RABGAP1L: variants seen among roughly 807,000 people sequenced by gnomAD.
RABGAP1L encodes the protein RAB GTPase activating protein 1 like.
In RABGAP1L, 63 loss-of-function variants were observed where a neutral mutation model predicts 137.7. That is an observed-to-expected ratio of 0.46 (90% CI 0.37 to 0.56). RABGAP1L has a LOEUF of 0.56. RABGAP1L is among the 20% of genes least tolerant of loss of function. The probability of loss-of-function intolerance (pLI) is 0.00; values close to 1 mark genes in which losing one functional copy is unlikely to be tolerated. For missense variants in RABGAP1L, 1,095 were observed against 1,244.0 expected, an observed-to-expected ratio of 0.88 and a Z score of 1.80; for synonymous variants, 431 against 433.7, an observed-to-expected ratio of 0.99 and a Z score of 0.08.
At chr1:174,303,752 A>G (rs1381640608) in intron 10 of RABGAP1L, among the ~76,000 whole-genome samples, 2 of 152,186 alleles carry the variant, frequency 1.3e-5, no homozygotes, top group Non-Finnish European at 2.9e-5. Flanking sequence ...TTCTGCTTGT[A>G]TAGGAAACTA....
At chr1:174,424,046 A>G (rs1393648041) in intron 13 of RABGAP1L, among the ~76,000 whole-genome samples, 1 of 152,182 alleles carries the variant, frequency 6.6e-6, no homozygotes, top group Non-Finnish European at 1.5e-5. Context: ...GACCAAGACC[A>G]AAGGAGATCA....
intron 13 of RABGAP1L, among the ~76,000 whole-genome samples, chr1:174,495,217 G>T (rs1375267473): frequency 6.6e-6 from 1 of 152,244 alleles, no homozygotes; most frequent in East Asian, 1.9e-4. Context: ...CATTGTTTCA[G>T]TGTAACTTCT....
chr1:174,528,981 T>A (rs2147878181), intron 13 of RABGAP1L, among the ~76,000 whole-genome samples: 1 of 151,596 alleles, frequency 6.6e-6, no homozygotes, highest in Non-Finnish European at 1.5e-5. Context: ...GTTCCAGAAC[T>A]TTTGTCTGGT....
intron 19 of RABGAP1L, among the ~76,000 whole-genome samples, chr1:174,954,867 A>G (rs555627721): frequency 3.9e-5 from 6 of 152,238 alleles, no homozygotes; most frequent in South Asian, 2.1e-4. Context: ...CCCTTTTTCT[A>G]TAGCTCCAGG....
intron 13 of RABGAP1L, among the ~76,000 whole-genome samples, chr1:174,500,016 A>G (rs1420085613): frequency 6.6e-6 from 1 of 152,168 alleles, no homozygotes; most frequent in Non-Finnish European, 1.5e-5. Flanking sequence ...TTTACAAGAA[A>G]GAAAATTATG....
At chr1:174,506,788 A>G (rs529374531) in intron 13 of RABGAP1L, among the ~76,000 whole-genome samples, 16 of 152,302 alleles carry the variant, frequency 1.1e-4, no homozygotes, top group African/African-American at 3.8e-4. Context: ...TAATTCATAT[A>G]ACCAAAAACC....
intron 20 of RABGAP1L, among the ~76,000 whole-genome samples, chr1:174,967,355 A>T (rs1308833114): frequency 3.7e-4 from 46 of 122,760 alleles, no homozygotes; most frequent in African/African-American, 1.4e-3. Context: ...TTTTTTTGAG[A>T]TGGAGTCTCA....
chr1:174,684,334 G>T (rs1340616130), intron 15 of RABGAP1L, among the ~76,000 whole-genome samples: 3 of 152,150 alleles, frequency 2.0e-5, no homozygotes, highest in Admixed American at 6.6e-5. Flanking sequence ...ATTGGAGAAG[G>T]TGAGAGGGGA....
intron 18 of RABGAP1L, chr1:174,799,835 A>G (rs530126377): frequency 1.0e-6 from 1 of 989,974 alleles, no homozygotes; most frequent in Non-Finnish European, 1.2e-6. Flanking sequence ...CAATGAGCTC[A>G]TCGTTTTCTC....
At chr1:174,494,394 T>C (rs755526079) in intron 13 of RABGAP1L, among the ~76,000 whole-genome samples, 3 of 152,204 alleles carry the variant, frequency 2.0e-5, no homozygotes, top group Non-Finnish European at 4.4e-5. Context: ...CTCCGTTGAA[T>C]TATTGTTGTT....
chr1:174,660,412 C>T (rs558986122), intron 14 of RABGAP1L, among the ~76,000 whole-genome samples: 1 of 152,294 alleles, frequency 6.6e-6, no homozygotes, highest in South Asian at 2.1e-4. Flanking sequence ...GATTCCCTTG[C>T]CCAGCACCAC....
chr1:174,705,749 G>T (rs1012393015), intron 17 of RABGAP1L: 1 of 152,108 alleles, frequency 6.6e-6, no homozygotes, highest in African/African-American at 2.4e-5. Flanking sequence ...TTTACTTCCT[G>T]CATGTCTGTG....
intron 17 of RABGAP1L, among the ~76,000 whole-genome samples, chr1:174,734,375 C>T (rs570455303): frequency 6.6e-6 from 1 of 152,152 alleles, no homozygotes; most frequent in Non-Finnish European, 1.5e-5. Flanking sequence ...TTCAGTAAAG[C>T]TTTCAAAGCC....
chr1:174,551,158 G>T (rs1031965687), intron 13 of RABGAP1L, among the ~76,000 whole-genome samples: 11 of 149,842 alleles, frequency 7.3e-5, no homozygotes, highest in African/African-American at 2.7e-4. Flanking sequence ...GCAGTGAGCT[G>T]AGATCGCACC....
intron 11 of RABGAP1L, among the ~76,000 whole-genome samples, chr1:174,358,968 G>A (rs1283464273): frequency 6.6e-6 from 1 of 152,166 alleles, no homozygotes; most frequent in South Asian, 2.1e-4. Context: ...GTGCTATGAT[G>A]GTATGGGCCT....
intron 11 of RABGAP1L, among the ~76,000 whole-genome samples, chr1:174,333,572 T>C (rs1346142604): frequency 6.6e-6 from 1 of 152,182 alleles, no homozygotes; most frequent in East Asian, 1.9e-4. Context: ...AAAACAGCCA[T>C]TTCAGGACTT....
At chr1:174,214,601 A>G (rs944279077) in intron 1 of RABGAP1L, among the ~76,000 whole-genome samples, 1 of 152,218 alleles carries the variant, frequency 6.6e-6, no homozygotes, top group Non-Finnish European at 1.5e-5. Context: ...CCATAGCTAT[A>G]GTAACCAAAA....
intron 19 of RABGAP1L, among the ~76,000 whole-genome samples, chr1:174,929,555 A>G (rs1478212940): frequency 2.6e-5 from 4 of 152,058 alleles, no homozygotes; most frequent in African/African-American, 4.8e-5. Flanking sequence ...CAGCCTGGGC[A>G]ACATAACGAG....
At chr1:174,292,057 T>C (rs1008890543) in intron 10 of RABGAP1L, among the ~76,000 whole-genome samples, 3 of 147,016 alleles carry the variant, frequency 2.0e-5, no homozygotes, top group Admixed American at 6.8e-5. Context: ...TTATTATTAT[T>C]GACAGGGTCT....
Sources: gnomAD v4.1 joint callset for allele counts (sites outside exome capture counted in the v4.1 genomes callset) on GRCh38, gnomAD v4.1.1 for gene constraint, MANE v1.5 for transcripts, NCBI Gene and HGNC (gene_info 2026-07-23, HGNC 2026-07-21) for gene names.